Variants in RERE observed in about 807,000 individuals in gnomAD.
RERE encodes the protein arginine-glutamic acid dipeptide repeats, also known as arginine-glutamic acid dipeptide repeats protein.
Under a neutral mutation model 146.1 loss-of-function variants are expected in RERE, and 40 were observed. The ratio of observed to expected loss-of-function variants is 0.27; its 90% CI spans 0.21 to 0.36. The LOEUF (loss-of-function observed/expected upper bound fraction) is 0.36, where lower values mean the gene tolerates loss of function less well. Among genes scored for constraint, RERE ranks in the 10% least tolerant of loss-of-function variants. The pLI is 1.00. For missense variants in RERE, 1,933 were observed against 2,138.7 expected (o/e 0.90, Z 1.90); for synonymous variants, 1,003 against 866.0 (o/e 1.16, Z -2.78).
intron 1 of RERE, among the ~76,000 whole-genome samples, chr1:8,807,391 G>A (rs149952807): frequency 1.6e-3 from 242 of 151,994 alleles, no homozygotes; most frequent in African/African-American, 5.5e-3. Context: ...CAGTTCCGCC[G>A]CCCCCCACCC....
chr1:8,618,743 C>T (rs1011573868), intron 3 of RERE, among the ~76,000 whole-genome samples: 2 of 152,204 alleles, frequency 1.3e-5, no homozygotes, highest in African/African-American at 4.8e-5. Flanking sequence ...TATCTCCCAG[C>T]ATCATCTATG....
chr1:8,641,876 T>A (rs1647185195), intron 2 of RERE, among the ~76,000 whole-genome samples: 1 of 152,176 alleles, frequency 6.6e-6, no homozygotes, highest in South Asian at 2.1e-4. Context: ...GGAGTTTTGA[T>A]AATGGAGACT....
chr1:8,686,961 C>A (rs996294943), intron 1 of RERE, among the ~76,000 whole-genome samples: 1 of 152,078 alleles, frequency 6.6e-6, no homozygotes, highest in African/African-American at 2.4e-5. Context: ...ATCACAAGGG[C>A]AGTTTCCCTG....
intron 1 of RERE, among the ~76,000 whole-genome samples, chr1:8,797,195 G>C (rs1484563918): frequency 6.6e-6 from 1 of 152,026 alleles, no homozygotes; most frequent in Non-Finnish European, 1.5e-5. Context: ...GCAACACAGG[G>C]AGACCCTAGA....
intron 10 of RERE, among the ~76,000 whole-genome samples, chr1:8,476,854 CCTTCA>C (rs1644763550): frequency 6.6e-6 from 1 of 152,140 alleles, no homozygotes; most frequent in Non-Finnish European, 1.5e-5. Flanking sequence ...ATTCAACATT[CCTTCA>C]CTTAACAAAG....
intron 4 of RERE, among the ~76,000 whole-genome samples, chr1:8,599,974 T>G (rs1646601852): frequency 6.6e-6 from 1 of 152,144 alleles, no homozygotes; most frequent in Non-Finnish European, 1.5e-5. Flanking sequence ...CCCACCCAAA[T>G]CTGACTTTGA....
At chr1:8,702,888 C>T (rs1421708533) in intron 1 of RERE, among the ~76,000 whole-genome samples, 1 of 152,176 alleles carries the variant, frequency 6.6e-6, no homozygotes, top group African/African-American at 2.4e-5. Flanking sequence ...ATACTGACTC[C>T]CCGTTCCTGG....
intron 4 of RERE, among the ~76,000 whole-genome samples, chr1:8,575,730 A>G (rs1646287159): frequency 2.0e-5 from 3 of 151,806 alleles, no homozygotes; most frequent in African/African-American, 7.3e-5. Context: ...TGGGCCTTGT[A>G]AACCCAATCT....
chr1:8,365,695 C>G (rs954105644), intron 13 of RERE, 117 bp downstream of exon 13: 1 of 1,161,444 alleles, frequency 8.6e-7, no homozygotes, highest in Admixed American at 2.0e-5. Context: ...CACTGGAGCA[C>G]GGGTGCACAC....
At chr1:8,616,336 G>A (rs1199710120) in intron 3 of RERE, among the ~76,000 whole-genome samples, 3 of 152,112 alleles carry the variant, frequency 2.0e-5, no homozygotes, top group African/African-American at 4.8e-5. Context: ...CATACGAAAT[G>A]AGAAAACTTT....
At chr1:8,400,644 G>C (rs79017647) in intron 12 of RERE, among the ~76,000 whole-genome samples, 1,748 of 151,932 alleles carry the variant, frequency 0.012, 43 homozygotes, top group African/African-American at 0.04. Context: ...TAATATTAGT[G>C]ATGACAGTAG....
intron 17 of RERE, 90 bp from the exon 18 acceptor site, chr1:8,361,580 GT>G: frequency 6.5e-7 from 1 of 1,532,134 alleles, no homozygotes. Context: ...AGTAATGTTT[GT>G]GCAGATGAAG....
In RERE at chr1:8,355,612, A is replaced by G. The variant is rs1641258959; in HGVS notation, c.4487-13T>C. The G allele has an allele frequency of 1.3e-5, 20 of 1,560,772 alleles. No homozygotes were observed. Among genetic ancestry groups the G allele is most frequent in the Non-Finnish European group, 1.7e-5 (20 of 1,150,738 alleles). On this transcript the variant is annotated splice_polypyrimidine_tract_variant and intron_variant, in intron 21 of 22. Coordinates refer to ENST00000400908, the MANE Select transcript of RERE (RefSeq NM_001042681.2). The stretch of plus-strand genomic sequence containing the variant: ...GGGTAGGGGGTGCCTGCCGAACACA[A>G]AACAACCTGCGCTACAGAAATAGCC...
At chr1:8,428,823 C>G (rs760364846) in intron 11 of RERE, among the ~76,000 whole-genome samples, 1 of 152,132 alleles carries the variant, frequency 6.6e-6, no homozygotes, top group African/African-American at 2.4e-5. Context: ...AAAATAACCA[C>G]GTCAAAATGC....
chr1:8,647,519 T>C (rs1446085349), intron 2 of RERE, among the ~76,000 whole-genome samples: 1 of 152,158 alleles, frequency 6.6e-6, no homozygotes. Flanking sequence ...CACCACAAAA[T>C]ATGAATGTTT....
At chr1:8,765,098 CAA>C (rs1293587536) in intron 1 of RERE, among the ~76,000 whole-genome samples, 2 of 152,210 alleles carry the variant, frequency 1.3e-5, no homozygotes, top group African/African-American at 4.8e-5. Flanking sequence ...TAGAACCATT[CAA>C]AGTGTCCATC....
chr1:8,353,610 G>C lies in RERE; in HGVS notation c.*1477C>G, dbSNP rs574138770. On this transcript the variant is annotated 3_prime_UTR_variant, in exon 23 of 23. Coordinates refer to ENST00000400908, the MANE Select transcript of RERE (RefSeq NM_001042681.2). Reference sequence around the variant, plus strand: ...CTCAGCCTGGGAGAAAGTGCGTTACGGCTGCAGCCTGGAAACGAGGGCAGG... The same window carrying C: ...CTCAGCCTGGGAGAAAGTGCGTTACCGCTGCAGCCTGGAAACGAGGGCAGG... 6.6e-6 allele frequency: 1 copy of C among 152,256 alleles called. No individual in the cohort carries two copies. The highest frequency in any genetic ancestry group is 1.5e-5 in the Non-Finnish European group (1 of 68,094). 9.4% of individuals were successfully genotyped at this position (152,256 alleles called of 1,614,324 possible). A position where few individuals can be genotyped will look rare whatever the true frequency, so the allele number is the denominator to read the frequency against.
At chr1:8,370,497 G>A (rs1641995654) in intron 12 of RERE, among the ~76,000 whole-genome samples, 1 of 152,164 alleles carries the variant, frequency 6.6e-6, no homozygotes, top group Admixed American at 6.5e-5. Flanking sequence ...TACCATATAT[G>A]GCAGGTTACG....
chr1:8,390,168 C>G (rs898929433), intron 12 of RERE, among the ~76,000 whole-genome samples: 1 of 152,174 alleles, frequency 6.6e-6, no homozygotes, highest in African/African-American at 2.4e-5. Context: ...CCACAACCAA[C>G]CACGCCACAT....
Sources: gnomAD v4.1 joint callset for allele counts (sites outside exome capture counted in the v4.1 genomes callset) on GRCh38, gnomAD v4.1.1 for gene constraint, MANE v1.5 for transcripts, NCBI Gene and HGNC (gene_info 2026-07-23, HGNC 2026-07-21) for gene names.